The following RAB3C variants were observed in gnomAD, a reference collection of about 807,000 sequenced individuals.
RAB3C encodes the protein RAB3C, member RAS oncogene family.
A neutral mutation model predicts 26.4 loss-of-function variants in RAB3C; 17 were observed. That is an observed-to-expected ratio of 0.64 (90% CI 0.44 to 0.97). The LOEUF is 0.97. Among genes scored for constraint, RAB3C ranks in the 50% least tolerant of loss-of-function variants. The probability of loss-of-function intolerance (pLI) is 0.00; values close to 1 mark genes in which losing one functional copy is unlikely to be tolerated. For missense variants in RAB3C, 242 were observed against 281.9 expected, an observed-to-expected ratio of 0.86 and a Z score of 1.01; for synonymous variants, 91 against 95.9, an observed-to-expected ratio of 0.95 and a Z score of 0.30.
intron 3 of RAB3C, among the ~76,000 whole-genome samples, chr5:58,773,724 T>C (rs1432568432): frequency 6.6e-6 from 1 of 152,122 alleles, no homozygotes; most frequent in African/African-American, 2.4e-5. Flanking sequence ...AGCATCAAGA[T>C]GAAGACGCAG....
intron 4 of RAB3C, among the ~76,000 whole-genome samples, chr5:58,844,518 G>A (rs1743945644): frequency 6.6e-6 from 1 of 152,198 alleles, no homozygotes; most frequent in South Asian, 2.1e-4. Flanking sequence ...GGGCCCAGTA[G>A]AGGACGAGCT....
intron 2 of RAB3C, among the ~76,000 whole-genome samples, chr5:58,678,290 G>A (rs1008593110): frequency 6.6e-5 from 10 of 152,056 alleles, no homozygotes; most frequent in South Asian, 2.1e-4. Flanking sequence ...GTCCATGTTC[G>A]GTATTTGATA....
rs1288370032 is a variant in RAB3C, at chr5:58,638,403, T to G, written c.252+20533T>G. ...CTGAAAATAAGCTTTTCTAATTCTT[T>G]GCATTTTGTTTATGGCATGTTTTGG... On this transcript the variant is annotated intron_variant, in intron 2 of 4. Coordinates refer to ENST00000282878, the MANE Select transcript of RAB3C (RefSeq NM_138453.4). Among the ~76,000 whole-genome samples, 3 of 152,178 alleles carry G rather than the reference T, an allele frequency of 2.0e-5. No homozygotes were observed. The East Asian group carries it at 5.8e-4, about 29-fold the overall frequency.
At chr5:58,777,926 A>G (rs1418630667) in intron 3 of RAB3C, among the ~76,000 whole-genome samples, 1 of 152,088 alleles carries the variant, frequency 6.6e-6, no homozygotes, top group Non-Finnish European at 1.5e-5. Context: ...ACATGAACTC[A>G]TCCCTTTTTA....
intron 1 of RAB3C, among the ~76,000 whole-genome samples, chr5:58,584,833 A>G (rs992255643): frequency 1.4e-4 from 3 of 22,028 alleles, no homozygotes; most frequent in Non-Finnish European, 2.4e-4. Flanking sequence ...ACTGTATATC[A>G]ATTTTGCTTT....
chr5:58,589,479 A>G (rs1344144801), intron 1 of RAB3C, among the ~76,000 whole-genome samples: 1 of 152,210 alleles, frequency 6.6e-6, no homozygotes, highest in African/African-American at 2.4e-5. Context: ...GCATAAGATT[A>G]GCATAGTTTG....
At chr5:58,724,330 G>A (rs1016906304) in intron 2 of RAB3C, among the ~76,000 whole-genome samples, 3 of 151,546 alleles carry the variant, frequency 2.0e-5, no homozygotes, top group East Asian at 3.9e-4. Flanking sequence ...CACATTCCTC[G>A]GCTATCTAAT....
chr5:58,745,137 C>G (rs186331328), intron 3 of RAB3C, among the ~76,000 whole-genome samples: 1 of 151,978 alleles, frequency 6.6e-6, no homozygotes, highest in Non-Finnish European at 1.5e-5. Flanking sequence ...GTGGCTCACG[C>G]CTGTAATCCA....
chr5:58,837,327 G>A (rs1833858), intron 4 of RAB3C, among the ~76,000 whole-genome samples: 68,560 of 151,422 alleles, frequency 0.45, 16,036 homozygotes, highest in Middle Eastern at 0.64. Context: ...GATTACAGGC[G>A]TGCACCATCA....
intron 2 of RAB3C, among the ~76,000 whole-genome samples, chr5:58,646,301 A>G (rs1303669925): frequency 6.6e-6 from 1 of 152,192 alleles, no homozygotes; most frequent in Non-Finnish European, 1.5e-5. Flanking sequence ...AAAACAATGT[A>G]TTTATTTAAT....
intron 2 of RAB3C, among the ~76,000 whole-genome samples, chr5:58,638,475 T>C (rs981402102): frequency 6.6e-6 from 1 of 152,168 alleles, no homozygotes; most frequent in African/African-American, 2.4e-5. Context: ...TTATCAATTA[T>C]TTTCTTAAAA....
chr5:58,587,213 T>C (rs2111649590), intron 1 of RAB3C, among the ~76,000 whole-genome samples: 1 of 152,306 alleles, frequency 6.6e-6, no homozygotes, highest in Non-Finnish European at 1.5e-5. Context: ...ATCATAATTT[T>C]CTGCCACCAT....
chr5:58,695,444 T>C (rs892775595), intron 2 of RAB3C, among the ~76,000 whole-genome samples: 2 of 152,200 alleles, frequency 1.3e-5, no homozygotes, highest in African/African-American at 4.8e-5. Context: ...AAGTAGGTTT[T>C]TCCAATTCTG....
At chr5:58,739,653 A>T (rs1741234834) in intron 3 of RAB3C, among the ~76,000 whole-genome samples, 1 of 152,236 alleles carries the variant, frequency 6.6e-6, no homozygotes, top group Admixed American at 6.5e-5. Context: ...GACAGAGCCC[A>T]TATTAAGTAT....
intron 4 of RAB3C, among the ~76,000 whole-genome samples, chr5:58,842,515 T>C (rs992001298): frequency 1.3e-5 from 2 of 152,220 alleles, no homozygotes; most frequent in Admixed American, 6.5e-5. Context: ...AATAGTTTTC[T>C]CCACTAAATC....
At chr5:58,591,044 C>A (rs1010420092) in intron 1 of RAB3C, among the ~76,000 whole-genome samples, 2 of 152,012 alleles carry the variant, frequency 1.3e-5, no homozygotes, top group Non-Finnish European at 1.5e-5. Context: ...TTTCCAAATA[C>A]TTGGGTATTT....
chr5:58,614,135 T>C (rs1746773308), intron 1 of RAB3C, among the ~76,000 whole-genome samples: 1 of 152,148 alleles, frequency 6.6e-6, no homozygotes, highest in Admixed American at 6.6e-5. Context: ...GAAGAGTTAT[T>C]TTTGTATATC....
intron 2 of RAB3C, among the ~76,000 whole-genome samples, chr5:58,684,713 T>G (rs924807298): frequency 6.6e-6 from 1 of 152,200 alleles, no homozygotes; most frequent in African/African-American, 2.4e-5. Flanking sequence ...CACTGCCAAA[T>G]AAAACCGTTA....
At chr5:58,837,070 C>T (rs1743766224) in intron 4 of RAB3C, among the ~76,000 whole-genome samples, 1 of 152,166 alleles carries the variant, frequency 6.6e-6, no homozygotes, top group African/African-American at 2.4e-5. Flanking sequence ...TGATAATAGC[C>T]ATCCTAACTA....
Sources: gnomAD v4.1 joint callset for allele counts (sites outside exome capture counted in the v4.1 genomes callset) on GRCh38, gnomAD v4.1.1 for gene constraint, MANE v1.5 for transcripts, NCBI Gene and HGNC (gene_info 2026-07-23, HGNC 2026-07-21) for gene names.